The following ACOT11 variants were observed in gnomAD, a reference collection of about 807,000 sequenced individuals.
ACOT11 encodes acyl-CoA thioesterase 11.
A neutral mutation model predicts 77.5 loss-of-function variants in ACOT11; 69 were observed. That is an observed-to-expected ratio of 0.89 (90% CI 0.73 to 1.09). The LOEUF is 1.09. Among genes scored for constraint, ACOT11 ranks in the 50% least tolerant of loss-of-function variants. The pLI is 0.00. For missense variants in ACOT11, 766 were observed against 813.7 expected (o/e 0.94, Z 0.71); for synonymous variants, 279 against 313.0 (o/e 0.89, Z 1.15).
At chr1:54,569,296 A>C (rs1557650695) in intron 1 of ACOT11, among the ~76,000 whole-genome samples, 1 of 152,088 alleles carries the variant, frequency 6.6e-6, no homozygotes, top group East Asian at 1.9e-4. Context: ...GTTGATTCCC[A>C]GCTAGAATCG....
In ACOT11 at chr1:54,548,685, C is replaced by T. The variant is rs144080016; in HGVS notation, c.33+343C>T. ...CTGGGGGATGTCTGAGCTCCATGGC[C>T]TTGTGGTGCTTCATGCTCAGAGCTC... On this transcript the variant is annotated intron_variant, in intron 1 of 15. Transcript: ENST00000343744. 605 of 359,270 alleles carry T rather than the reference C, an allele frequency of 1.7e-3. 4 individuals carry two copies. The highest frequency in any genetic ancestry group is 1.3e-3 in the Non-Finnish European group (256 of 196,648). The allele number at this position is 359,270 out of a possible 1,614,324, so 22.3% of individuals were successfully genotyped here.
At chr1:54,608,797 CTG>C (rs1644067204) in intron 15 of ACOT11, among the ~76,000 whole-genome samples, 158 bp from the exon 16 acceptor site, 1 of 152,060 alleles carries the variant, frequency 6.6e-6, no homozygotes. Flanking sequence ...TGCTGGGCAA[CTG>C]TGTAATCTAA....
intron 16 of ACOT11, among the ~76,000 whole-genome samples, chr1:54,631,246 G>A (rs1203531453): frequency 6.6e-6 from 1 of 152,212 alleles, no homozygotes; most frequent in Non-Finnish European, 1.5e-5. Flanking sequence ...AGCTAGACAA[G>A]AGGGTGATTT....
chr1:54,610,290 T>G lies in ACOT11; in HGVS notation c.*1178T>G. 6.6e-7 allele frequency: 1 copy of G among 1,515,526 alleles called. No individual in the cohort carries two copies. The highest frequency in any genetic ancestry group is 8.8e-7 in the Non-Finnish European group (1 of 1,136,198). The allele number at this position is 1,515,526 out of a possible 1,614,324, so 93.9% of individuals were successfully genotyped here. On this transcript the variant is annotated 3_prime_UTR_variant, in exon 16 of 16. Coordinates refer to ENST00000343744, the MANE Select transcript of ACOT11 (RefSeq NM_147161.4). ...CCCCGCAACCCTGCCCCACCTTGCA[T>G]CCAGGGTATGGTGTAAATAAACCTG...
Position 54,607,785 on chromosome 1 carries a change from G to A in ACOT11, c.1503-157G>A, listed in dbSNP as rs1054268864. On this transcript the variant is annotated intron_variant, in intron 14 of 15. Coordinates refer to ENST00000343744, the MANE Select transcript of ACOT11 (RefSeq NM_147161.4). The surrounding 1 kb of genome is among the most constrained non-coding windows in gnomAD (Gnocchi z 4.5). The stretch of plus-strand genomic sequence containing the variant: ...CCTCCTCCCTCCAGCCTGGCCCTGA[G>A]CCCCGCATTGGGGCTTTAAGAGTCG... Among the ~76,000 whole-genome samples, 1 of 151,190 alleles carries A rather than the reference G, an allele frequency of 6.6e-6. No individual in the cohort carries two copies. Among genetic ancestry groups the A allele is most frequent in the Middle Eastern group, 3.5e-3 (1 of 284 alleles).
chr1:54,612,546 C>T (rs760855404), downstream of ACOT11: 10 of 1,614,004 alleles, frequency 6.2e-6, no homozygotes, highest in Admixed American at 6.7e-5. Flanking sequence ...CATGGAAGAC[C>T]GTACAGGGAA....
chr1:54,589,022 A>ATATT (rs35332520), intron 3 of ACOT11, among the ~76,000 whole-genome samples: 6,641 of 151,898 alleles, frequency 0.044, 266 homozygotes, highest in East Asian at 0.17. Flanking sequence ...AACTCTTTTT[A>ATATT]TATTTATTTA....
chr1:54,549,503 T>C (rs572883482), intron 1 of ACOT11, among the ~76,000 whole-genome samples: 1 of 152,304 alleles, frequency 6.6e-6, no homozygotes, highest in South Asian at 2.1e-4. Flanking sequence ...TCCCCAAACT[T>C]GTGTCCCCAG....
chr1:54,556,459 G>A (rs548953772), intron 1 of ACOT11, among the ~76,000 whole-genome samples: 1 of 152,162 alleles, frequency 6.6e-6, no homozygotes, highest in African/African-American at 2.4e-5. Context: ...GGATTGCATT[G>A]AATCTGTAGA....
intron 13 of ACOT11, among the ~76,000 whole-genome samples, chr1:54,606,000 G>A (rs554823580): frequency 3.9e-5 from 6 of 152,198 alleles, no homozygotes; most frequent in Admixed American, 3.3e-4. Context: ...AATTCAGTCC[G>A]CTGGTCACTT....
intron 15 of ACOT11, chr1:54,620,016 A>T (rs1312711989): frequency 1.9e-6 from 3 of 1,613,436 alleles, no homozygotes; most frequent in African/African-American, 2.7e-5. Context: ...GCCTGGAAGG[A>T]ATCCCAAGGG....
intron 16 of ACOT11, among the ~76,000 whole-genome samples, chr1:54,631,690 A>T (rs1028092825): frequency 6.6e-6 from 1 of 152,166 alleles, no homozygotes; most frequent in African/African-American, 2.4e-5. Flanking sequence ...GGAAAAAATC[A>T]CTTCAGGTGG....
chr1:54,607,057 G>T lies in ACOT11; in HGVS notation c.1371-77G>T. ...GAAGCTGCTCAGGCACTGCAGTGTG[G>T]CAGGGCCCGGGCAGACCCGCTGCTT... On this transcript the variant is annotated intron_variant, in intron 13 of 15. Coordinates refer to ENST00000343744, the MANE Select transcript of ACOT11 (RefSeq NM_147161.4). The surrounding 1 kb of genome is among the most constrained non-coding windows in gnomAD (Gnocchi z 4.5). The T allele has an allele frequency of 6.3e-7, 1 of 1,585,404 alleles. No individual in the cohort carries two copies. Among genetic ancestry groups the T allele is most frequent in the Non-Finnish European group, 8.6e-7 (1 of 1,164,042 alleles).
In ACOT11 at chr1:54,609,063, T is replaced by TTC. The variant is rs1644075549; in HGVS notation, c.1740_1741dup (p.Leu581SerfsTer58). On this transcript the variant is annotated frameshift_variant, in exon 16 of 16. Coordinates refer to ENST00000343744, the MANE Select transcript of ACOT11 (RefSeq NM_147161.4). LOFTEE classifies it high-confidence loss of function. ...ACCACCTTCAAGGCTTGTGAGCAGT[T>TTC]TCTCTTGGACAACCGGAATGATCTG... 2 of 1,614,110 alleles carry TTC rather than the reference T, an allele frequency of 1.2e-6. No homozygotes were observed. Among genetic ancestry groups the TTC allele is most frequent in the Non-Finnish European group, 8.5e-7 (1 of 1,180,004 alleles).
At chr1:54,564,394 G>A (rs571502005) in intron 1 of ACOT11, among the ~76,000 whole-genome samples, 50 of 152,334 alleles carry the variant, frequency 3.3e-4, no homozygotes, top group African/African-American at 1.1e-3. Flanking sequence ...GGTTGCCTGC[G>A]GGGGGTGGGG....
At position 54,607,225 on chromosome 1, in the gene ACOT11, T is replaced by A; in HGVS notation, c.1462T>A (p.Phe488Ile). 2 of 1,614,178 alleles carry A rather than the reference T, an allele frequency of 1.2e-6. No individual in the cohort carries two copies. The highest frequency in any genetic ancestry group is 1.7e-6 in the Non-Finnish European group (2 of 1,180,028). ...ALGGHTKPQD[F>I]VILASRRKPC... ...CGGAGGTCACACAAAGCCCCAGGAC[T>A]TCGTGATCCTGGCCTCGAGGCGGAA... Residue 488 changes from phenylalanine to isoleucine, a missense_variant, in exon 14 of 16, where the codon TTC becomes ATC. Physicochemically the swap from Phe to Ile is conservative, Grantham distance 21 (BLOSUM62 0). Transcript: ENST00000343744. This position sits in a 1 kb window ranked among gnomAD's most constrained non-coding sequence, Gnocchi z 4.5.
intron 1 of ACOT11, among the ~76,000 whole-genome samples, chr1:54,571,730 T>TA (rs1302100439): frequency 1.3e-5 from 2 of 152,160 alleles, no homozygotes; most frequent in African/African-American, 4.8e-5. Flanking sequence ...AAAATGTTGT[T>TA]ATGTTGTGCA....
intron 1 of ACOT11, among the ~76,000 whole-genome samples, chr1:54,554,660 A>T (rs927888067): frequency 4.0e-5 from 6 of 151,884 alleles, no homozygotes; most frequent in Admixed American, 1.3e-4. Flanking sequence ...ATACCACATT[A>T]AAAAAATCCA....
At chr1:54,608,483 C>G (rs1451184876) in intron 15 of ACOT11, among the ~76,000 whole-genome samples, 3 of 152,082 alleles carry the variant, frequency 2.0e-5, no homozygotes, top group African/African-American at 4.8e-5. Context: ...AGCCTCCCCC[C>G]TCACAGCTTC....
Sources: gnomAD v4.1 joint callset for allele counts (sites outside exome capture counted in the v4.1 genomes callset) on GRCh38, gnomAD v4.1.1 for gene constraint, Gnocchi (gnomAD v3.1) non-coding constraint, MANE v1.5 for transcripts, NCBI Gene and HGNC (gene_info 2026-07-23, HGNC 2026-07-21) for gene names.